CFAP299: variants seen among roughly 807,000 people sequenced by gnomAD.
CFAP299 encodes cilia- and flagella-associated protein 299.
Under a neutral mutation model 27.0 loss-of-function variants are expected in CFAP299, and 21 were observed. The ratio of observed to expected loss-of-function variants is 0.78; its 90% confidence interval spans 0.55 to 1.12. The LOEUF (loss-of-function observed/expected upper bound fraction) is 1.12. Among genes scored for constraint, CFAP299 ranks in the 50% most tolerant of loss-of-function variants. The pLI, the probability that CFAP299 is intolerant of heterozygous loss-of-function variation, is 0.00. For synonymous variants in CFAP299, 104 were observed against 98.1 expected, an observed-to-expected ratio of 1.06 and a Z score of -0.36; for missense variants, 310 against 276.6, an observed-to-expected ratio of 1.12 and a Z score of -0.86.
rs188824011 is a variant in CFAP299, at chr4:80,936,226, C to T, written c.477-8584C>T. The stretch of plus-strand genomic sequence containing the variant: ...TTAGTTCAACCATTGTGGAAAACAG[C>T]GTGCTGATTCCTCAATGACCTAAAA... On this transcript the variant is annotated intron_variant, in intron 4 of 5. Coordinates refer to ENST00000358105, the MANE Select transcript of CFAP299 (RefSeq NM_152770.3). Among the ~76,000 whole-genome samples, 619 of 152,052 alleles carry T rather than the reference C, an allele frequency of 4.1e-3. 1 individual carries two copies. Among genetic ancestry groups the T allele is most frequent in the Middle Eastern group, 0.014 (4 of 294 alleles).
chr4:80,764,961 G>T (rs1214816372), intron 3 of CFAP299, among the ~76,000 whole-genome samples: 1 of 152,052 alleles, frequency 6.6e-6, no homozygotes, highest in African/African-American at 2.4e-5. Context: ...CAAAGGGAGG[G>T]ATAGCATAAG....
chr4:80,883,668 A>G (rs558626286), intron 4 of CFAP299, among the ~76,000 whole-genome samples: 53 of 152,264 alleles, frequency 3.5e-4, no homozygotes, highest in African/African-American at 1.3e-3. Context: ...CTTTATATAG[A>G]AAATTTTCAC....
At chr4:80,367,945 G>A (rs1723927234) in intron 2 of CFAP299, among the ~76,000 whole-genome samples, 1 of 152,196 alleles carries the variant, frequency 6.6e-6, no homozygotes, top group Admixed American at 6.5e-5. Flanking sequence ...TGTTCCTAGA[G>A]CCTAGTCAGT....
intron 3 of CFAP299, among the ~76,000 whole-genome samples, chr4:80,732,935 T>G (rs777966071): frequency 6.6e-6 from 1 of 152,108 alleles, no homozygotes; most frequent in Admixed American, 6.6e-5. Flanking sequence ...ATTAATGTGC[T>G]TGGCATAGAT....
intron 2 of CFAP299, among the ~76,000 whole-genome samples, chr4:80,467,014 C>T (rs1392406454): frequency 3.3e-5 from 5 of 152,184 alleles, no homozygotes; most frequent in Admixed American, 3.3e-4. Context: ...AATAGTTTAG[C>T]TGAAGGCTAT....
rs139689070 is a variant in CFAP299, at chr4:80,758,419, C to T, written c.334-111574C>T. Among the ~76,000 whole-genome samples the T allele has an allele frequency of 7.8e-4, 118 of 152,188 alleles. 1 individual carries two copies. The East Asian group carries it at 0.02, about 25-fold the overall frequency. On this transcript the variant is annotated intron_variant, in intron 3 of 5. Transcript: ENST00000358105. ...AGCTGCTTCTCCTCTCTCTGCCAGCCGAGTCTGGGATTTTATGGGCATAGG... is the reference window on the plus strand; with the variant it reads ...AGCTGCTTCTCCTCTCTCTGCCAGCTGAGTCTGGGATTTTATGGGCATAGG...
the CFAP299 span, among the ~76,000 whole-genome samples, chr4:80,322,715 A>C: frequency 6.6e-6 from 1 of 152,214 alleles, no homozygotes; most frequent in Non-Finnish European, 1.5e-5. Flanking sequence ...GGCTGAAAGT[A>C]TTCAGATTCA....
chr4:80,560,327 C>A (rs977798358), intron 2 of CFAP299, among the ~76,000 whole-genome samples: 1 of 151,952 alleles, frequency 6.6e-6, no homozygotes, highest in Non-Finnish European at 1.5e-5. Context: ...GGTACTATGT[C>A]AAGGGCCTTG....
intron 3 of CFAP299, among the ~76,000 whole-genome samples, chr4:80,767,321 G>T (rs958508508): frequency 6.6e-6 from 1 of 152,058 alleles, no homozygotes; most frequent in Non-Finnish European, 1.5e-5. Flanking sequence ...CAAAATACCT[G>T]GTACTAGGTG....
rs1031283498 is a variant in CFAP299, at chr4:80,931,860, T to A, written c.477-12950T>A. ...TTTTCAACAGGAATCACCCTGTACCTTCCCTGAGAGGAAACAACTGTTTCT... is the reference window on the plus strand; with the variant it reads ...TTTTCAACAGGAATCACCCTGTACCATCCCTGAGAGGAAACAACTGTTTCT... On this transcript the variant is annotated intron_variant, in intron 4 of 5. Transcript: ENST00000358105. Among the ~76,000 whole-genome samples, 3 of 152,148 alleles carry A rather than the reference T, an allele frequency of 2.0e-5. No individual in the cohort carries two copies. In the East Asian group the frequency reaches 5.8e-4, roughly 29 times the overall value.
intron 3 of CFAP299, among the ~76,000 whole-genome samples, chr4:80,786,879 C>G (rs1417093899): frequency 1.3e-5 from 2 of 152,002 alleles, no homozygotes; most frequent in Non-Finnish European, 2.9e-5. Flanking sequence ...AACTCAGATT[C>G]TCCAGTAATT....
intron 3 of CFAP299, among the ~76,000 whole-genome samples, chr4:80,725,632 T>G (rs1723114885): frequency 6.6e-6 from 1 of 152,190 alleles, no homozygotes; most frequent in African/African-American, 2.4e-5. Context: ...CAAAGACTAC[T>G]CTAATCTATC....
chr4:80,411,129 G>A (rs1207925234), intron 2 of CFAP299, among the ~76,000 whole-genome samples: 3 of 151,990 alleles, frequency 2.0e-5, no homozygotes, highest in African/African-American at 7.3e-5. Context: ...CCCATTATTG[G>A]GATAATTGAA....
At chr4:80,592,443 C>T (rs1019014746) in intron 3 of CFAP299, among the ~76,000 whole-genome samples, 1 of 152,050 alleles carries the variant, frequency 6.6e-6, no homozygotes, top group South Asian at 2.1e-4. Flanking sequence ...TTTCATGTTA[C>T]AAATGATACA....
chr4:80,347,275 T>C (rs1722778454), intron 1 of CFAP299, among the ~76,000 whole-genome samples: 1 of 152,194 alleles, frequency 6.6e-6, no homozygotes, highest in Non-Finnish European at 1.5e-5. Flanking sequence ...TTCTTTCTCT[T>C]GCTTGACTGC....
At chr4:80,864,461 TA>T (rs2110162280) in intron 3 of CFAP299, among the ~76,000 whole-genome samples, 1 of 143,708 alleles carries the variant, frequency 7.0e-6, no homozygotes, top group African/African-American at 2.6e-5. Flanking sequence ...TATATAAGTA[TA>T]TATATACCTA....
chr4:80,466,552 T>TTCTGGAC lies in CFAP299; in HGVS notation c.242+103670_242+103676dup, dbSNP rs577836948. Among the ~76,000 whole-genome samples the TTCTGGAC allele has an allele frequency of 2.0e-3, 309 of 152,312 alleles. 2 individuals are homozygous for TTCTGGAC. Among genetic ancestry groups the TTCTGGAC allele is most frequent in the African/African-American group, 6.8e-3 (284 of 41,568 alleles). On this transcript the variant is annotated intron_variant, in intron 2 of 5. Coordinates refer to ENST00000358105, the MANE Select transcript of CFAP299 (RefSeq NM_152770.3). The stretch of plus-strand genomic sequence containing the variant: ...GGCTTAGTTTTGAGGTACAGTCCTT[T>TTCTGGAC]TCTGGACTGTTTACCAGCACTAAAA...
At chr4:80,851,814 T>C (rs1731541468) in intron 3 of CFAP299, among the ~76,000 whole-genome samples, 1 of 152,170 alleles carries the variant, frequency 6.6e-6, no homozygotes, top group Non-Finnish European at 1.5e-5. Context: ...ATCACGGATC[T>C]TGGCTCTCTG....
At chr4:80,898,700 C>T (rs567929316) in intron 4 of CFAP299, among the ~76,000 whole-genome samples, 1 of 152,074 alleles carries the variant, frequency 6.6e-6, no homozygotes, top group South Asian at 2.1e-4. Context: ...AGATTTTAAT[C>T]CTTCTACCTC....
Sources: gnomAD v4.1 joint callset for allele counts (sites outside exome capture counted in the v4.1 genomes callset) on GRCh38, gnomAD v4.1.1 for gene constraint, MANE v1.5 for transcripts, NCBI Gene and HGNC (gene_info 2026-07-23, HGNC 2026-07-21) for gene names.